Variants in TTN observed in about 807,000 individuals in gnomAD.
TTN encodes connectin.
TTN carries 1,525 observed loss-of-function variants against 3,223.0 expected under a neutral mutation model. The ratio of observed to expected loss-of-function variants is 0.47; its 90% confidence interval spans 0.45 to 0.49. TTN has a LOEUF of 0.49. Ranked by LOEUF, TTN falls within the 20% of genes least tolerant of loss-of-function variation. The probability of loss-of-function intolerance (pLI) is 0.00; values close to 1 mark genes in which losing one functional copy is unlikely to be tolerated. For synonymous variants in TTN, 14,094 were observed against 15,161.0 expected (o/e 0.93, Z 5.17); for missense variants, 40,786 against 43,424.0 (o/e 0.94, Z 5.40).
chr2:178,531,134 T>A lies in TTN; in HGVS notation c.105481A>T (p.Thr35161Ser), dbSNP rs764804165. The A allele has an allele frequency of 6.2e-7, 1 of 1,613,822 alleles. No individual in the cohort carries two copies. The highest frequency in any genetic ancestry group is 1.3e-5 in the African/African-American group (1 of 74,908). The change falls in exon 358 of 363, where the codon ACC (threonine) becomes TCC (serine). Residue 35161 changes from threonine (T) to serine (S), a missense_variant. Coordinates refer to ENST00000589042, the MANE Select transcript of TTN (RefSeq NM_001267550.2). ...AGCACTTGTCCTTTACGCAGCCAGG[T>A]CACAGTTGGTACCGGCTCACCATCG... is the stretch of plus-strand genomic sequence containing the variant. The part of the protein sequence containing the change: ...DTDGEPVPTV[T>S]WLRKGQVLST...
In TTN at chr2:178,780,002, G is replaced by C. The variant is rs1199136998; in HGVS notation, c.3727C>G (p.Gln1243Glu). 1 of 1,611,802 alleles carries C rather than the reference G, an allele frequency of 6.2e-7. No individual in the cohort carries two copies. The highest frequency in any genetic ancestry group is 8.5e-7 in the Non-Finnish European group (1 of 1,179,456). The change falls in exon 22 of 363, where the codon CAG becomes GAG. Residue 1243 changes from glutamine (Q) to glutamate (E), a missense_variant and splice_region_variant. By Grantham distance (29) the Gln-to-Glu change is conservative. Transcript: ENST00000589042. The stretch of plus-strand genomic sequence containing the variant: ...TTGGTCATTACTTTTATACTCACCT[G>C]ATCTTCTACATAAGTTCTGACCACT... Reference protein sequence around the residue: ...TVVVRTYVEDQEFHISSFEER... With the variant: ...TVVVRTYVEDEEFHISSFEER...
chr2:178,786,914 T>C (rs1464870351), intron 13 of TTN, among the ~76,000 whole-genome samples: 1 of 152,206 alleles, frequency 6.6e-6, no homozygotes, highest in Non-Finnish European at 1.5e-5. Context: ...TTTTCTCGTT[T>C]CTGAGTCTGA....
Position 178,738,347 on chromosome 2 carries a change from G to C in TTN, c.14106C>G (p.Ile4702Met). The change falls in exon 49 of 363, where the codon ATC becomes ATG. Residue 4702 changes from isoleucine (I) to methionine (M), a missense_variant. By Grantham distance (10) the Ile-to-Met change is conservative (BLOSUM62 1). Transcript: ENST00000589042. ...LTVVKRAAPV[I>M]KRKIEPLEVA... The stretch of plus-strand genomic sequence containing the variant: ...CTTCCAGGGGTTCGATTTTCCTCTT[G>C]ATCACTGGGGCAGCTGCAAAGGGAA... 2 of 1,611,918 alleles carry C rather than the reference G, an allele frequency of 1.2e-6. No individual in the cohort carries two copies. The highest frequency in any genetic ancestry group is 1.7e-6 in the Non-Finnish European group (2 of 1,178,530).
chr2:178,634,220 A>G lies in TTN; in HGVS notation c.42416-137T>C. The G allele has an allele frequency of 6.7e-7, 1 of 1,484,422 alleles. No individual in the cohort carries two copies. The highest frequency in any genetic ancestry group is 2.4e-5 in the East Asian group (1 of 41,640). 92.0% of individuals were successfully genotyped at this position (1,484,422 alleles called of 1,614,324 possible). A position where few individuals can be genotyped will look rare whatever the true frequency, so the allele number is the denominator to read the frequency against. ...TCTTTCCAAATAGAGCTCCACTAAA[A>G]ACAAATTAAGGGGGGTTGTTTTGGT... On this transcript the variant is annotated intron_variant, in intron 230 of 362. Coordinates refer to ENST00000589042, the MANE Select transcript of TTN (RefSeq NM_001267550.2). The surrounding 1 kb of genome is among the most constrained non-coding windows in gnomAD (Gnocchi z 4.6).
At chr2:178,751,750 C>A (rs746133271) in intron 47 of TTN, 1 of 1,613,022 alleles carries the variant, frequency 6.2e-7, no homozygotes, top group Admixed American at 1.7e-5. Flanking sequence ...CTTTTATAAT[C>A]CGACGAAGAC....
chr2:178,756,187 G>A, intron 46 of TTN, 35 bp downstream of exon 46: 1 of 1,481,172 alleles, frequency 6.8e-7, no homozygotes, highest in Non-Finnish European at 9.3e-7. Context: ...CGATGAGGAT[G>A]AAATGAAGCA....
chr2:178,701,225 A>G, intron 110 of TTN, 22 bp from the exon 111 acceptor site: 3 of 1,592,306 alleles, frequency 1.9e-6, no homozygotes, highest in Non-Finnish European at 2.6e-6. Flanking sequence ...AAATGCCGTT[A>G]GTAACATGTT....
chr2:178,678,334 T>C (rs919527639), intron 144 of TTN, 80 bp downstream of exon 144: 12 of 1,500,106 alleles, frequency 8.0e-6, no homozygotes, highest in Non-Finnish European at 1.1e-5. Flanking sequence ...AAATGTACAA[T>C]GTAATGGGGA....
At position 178,616,483 on chromosome 2, in the gene TTN, G is replaced by A; in HGVS notation, c.48308C>T (p.Thr16103Ile). The change falls in exon 257 of 363, where the codon ACT becomes ATT. Residue 16103 changes from threonine (T) to isoleucine (I), a missense_variant. Transcript: ENST00000589042. ...GCAGTGCTGCTCAAAACTCACTTTA[G>A]TCCATGTTTTCCGGCTGACTTCTCG... is the stretch of plus-strand genomic sequence containing the variant. ...EKREVSRKTW[T>I]KVMDFVTDLE... 1 of 1,612,084 alleles carries A rather than the reference G, an allele frequency of 6.2e-7. No individual in the cohort carries two copies. The highest frequency in any genetic ancestry group is 8.5e-7 in the Non-Finnish European group (1 of 1,178,746).
At position 178,607,966 on chromosome 2, in the gene TTN, A is replaced by G. The variant is rs2303831; in HGVS notation, c.52821T>C (p.Asp17607=). ...GGGEIVGYFV[D]KQLVGTNEWS... is the part of the protein sequence containing the mutation. ...ATTCATTTGTGCCAACCAACTGCTTATCAACAAAATAGCCAACAATTTCCC... is the reference window on the plus strand; with the variant it reads ...ATTCATTTGTGCCAACCAACTGCTTGTCAACAAAATAGCCAACAATTTCCC... The change falls in exon 276 of 363, where the codon GAT becomes GAC. Residue 17607 remains aspartate, a synonymous_variant. Transcript: ENST00000589042. The G allele has an allele frequency of 0.024, 38,299 of 1,612,930 alleles. 646 individuals are homozygous for G. The highest frequency in any genetic ancestry group is 0.093 in the East Asian group (4,139 of 44,680).
At position 178,773,336 on chromosome 2, in the gene TTN, G is replaced by C. The variant is rs765136135; in HGVS notation, c.7628C>G (p.Thr2543Ser). ...IKIIRGLRDLTCTETQNVVFE... is the reference protein window; with the variant it reads ...IKIIRGLRDLSCTETQNVVFE... Reference sequence around the variant, plus strand: ...CACCACATTTTGAGTTTCTGTACAGGTAAGGTCACGAAGACCTCTGATAAT... The same window carrying C: ...CACCACATTTTGAGTTTCTGTACAGCTAAGGTCACGAAGACCTCTGATAAT... Residue 2543 changes from threonine (T) to serine (S), a missense_variant, in exon 33 of 363, where the codon ACC becomes AGC. Coordinates refer to ENST00000589042, the MANE Select transcript of TTN (RefSeq NM_001267550.2). The C allele has an allele frequency of 1.5e-5, 24 of 1,613,822 alleles. No homozygotes were observed. The African/African-American group carries it at 3.1e-4, about 21-fold the overall frequency.
At chr2:178,804,473 G>A (rs1264446605) in intron 2 of TTN, 79 bp downstream of exon 2, 28 of 1,414,776 alleles carry the variant, frequency 2.0e-5, no homozygotes, top group Non-Finnish European at 2.6e-5. Flanking sequence ...TAAACTTGGC[G>A]TCAAGTCCTG....
chr2:178,583,232 A>G lies in TTN; in HGVS notation c.65576-5T>C, dbSNP rs1427318763. 6.4e-7 allele frequency: 1 copy of G among 1,562,584 alleles called. No homozygotes were observed. Among genetic ancestry groups the G allele is most frequent in the African/African-American group, 1.4e-5 (1 of 73,142 alleles). ...TCAGGTCTATCCTGGGAGGGACTGG[A>G]AAGAAATAAGATAAAGGACTTAATG... On this transcript the variant is annotated splice_region_variant and splice_polypyrimidine_tract_variant and intron_variant, in intron 312 of 362. Coordinates refer to ENST00000589042, the MANE Select transcript of TTN (RefSeq NM_001267550.2).
At chr2:178,695,637 A>G (rs2073560436) in intron 114 of TTN, among the ~76,000 whole-genome samples, 2 of 152,140 alleles carry the variant, frequency 1.3e-5, no homozygotes, top group Non-Finnish European at 2.9e-5. Context: ...AGAAATTAGC[A>G]CTTGGAATTT....
Position 178,531,995 on chromosome 2 carries a change from T to C in TTN, c.104620A>G (p.Arg34874Gly). ...PAEEYEDDTE[R>G]RSPTPERTRP... ...GTTCTCTCTGGAGTAGGTGACCTTC[T>C]TTCTGTGTCATCTTCGTATTCCTCA... is the stretch of plus-strand genomic sequence containing the variant. The change falls in exon 358 of 363, where the codon AGA (arginine) becomes GGA (glycine). Residue 34874 changes from arginine (R) to glycine (G), a missense_variant. By Grantham distance (125) the Arg-to-Gly change is moderately radical. Coordinates refer to ENST00000589042, the MANE Select transcript of TTN (RefSeq NM_001267550.2). 2 of 1,613,902 alleles carry C rather than the reference T, an allele frequency of 1.2e-6. No individual in the cohort carries two copies. Among genetic ancestry groups the C allele is most frequent in the Non-Finnish European group, 1.7e-6 (2 of 1,179,862 alleles).
chr2:178,639,661 A>C, intron 223 of TTN, 38 bp downstream of exon 223: 1 of 1,599,068 alleles, frequency 6.3e-7, no homozygotes, highest in Non-Finnish European at 8.6e-7. Context: ...TTAAGTCACC[A>C]AAACAAACTA....
In TTN at chr2:178,569,471, G is replaced by GCAT. The variant is rs1707321408; in HGVS notation, c.76658_76660dup (p.Asp25553dup). The GCAT allele has an allele frequency of 1.2e-6, 2 of 1,612,634 alleles. No individual in the cohort carries two copies. Among genetic ancestry groups the GCAT allele is most frequent in the Non-Finnish European group, 1.7e-6 (2 of 1,179,184 alleles). ...ACTGCTAGTGACATCAATTATAGCT[G>GCAT]CATCTCGGATTTCACCATCCACCTT... On this transcript the variant is annotated inframe_insertion, in exon 326 of 363. Coordinates refer to ENST00000589042, the MANE Select transcript of TTN (RefSeq NM_001267550.2).
Position 178,571,087 on chromosome 2 carries a change from T to G in TTN, c.75045A>C (p.Ala25015=). The G allele has an allele frequency of 6.2e-7, 1 of 1,613,350 alleles. No individual in the cohort carries two copies. Among genetic ancestry groups the G allele is most frequent in the Non-Finnish European group, 8.5e-7 (1 of 1,179,506 alleles). The change falls in exon 326 of 363, where the codon GCA becomes GCC. Residue 25015 remains alanine, a synonymous_variant. Transcript: ENST00000589042. The part of the protein sequence containing the change: ...DPCDPPGRPE[A]IIVTRNSVTL... Reference sequence around the variant, plus strand: ...TCACAGAATTCCTTGTGACAATGATTGCCTCTGGCCGTCCTGGTGGATCAC... The same window carrying G: ...TCACAGAATTCCTTGTGACAATGATGGCCTCTGGCCGTCCTGGTGGATCAC...
chr2:178,531,512 C>T lies in TTN; in HGVS notation c.105103G>A (p.Asp35035Asn), dbSNP rs794729567. 2.5e-6 allele frequency: 4 copies of T among 1,613,900 alleles called. No homozygotes were observed. Among genetic ancestry groups the T allele is most frequent in the Non-Finnish European group, 3.4e-6 (4 of 1,179,874 alleles). The change falls in exon 358 of 363, where the codon GAT (aspartate) becomes AAT (asparagine). Residue 35035 changes from aspartate to asparagine, a missense_variant. Asp to Asn is a conservative substitution (Grantham distance 23, BLOSUM62 1). Transcript: ENST00000589042. ...CGTTGGGAAGCATAGGTGGTATAAT[C>T]CCCTCCTGTCACGTCCAACGTTGCA... is the stretch of plus-strand genomic sequence containing the variant. Reference protein sequence around the residue: ...DYATLDVTGGDYTTYASQRRD... With the variant: ...DYATLDVTGGNYTTYASQRRD...
Sources: gnomAD v4.1 joint callset for allele counts (sites outside exome capture counted in the v4.1 genomes callset) on GRCh38, gnomAD v4.1.1 for gene constraint, Gnocchi (gnomAD v3.1) non-coding constraint, MANE v1.5 for transcripts, NCBI Gene and HGNC (gene_info 2026-07-23, HGNC 2026-07-21) for gene names.